Variants in GABRA6 observed in about 807,000 individuals in gnomAD.
GABRA6 encodes gamma-aminobutyric acid type A receptor subunit alpha6, also known as gamma-aminobutyric acid receptor subunit alpha-6.
GABRA6 carries 45 observed loss-of-function variants against 47.3 expected under a neutral mutation model. The observed-to-expected ratio is 0.95, with a 90% CI of 0.75 to 1.22. The LOEUF (loss-of-function observed/expected upper bound fraction) is 1.22, where lower values mean the gene tolerates loss of function less well. Among genes scored for constraint, GABRA6 ranks in the 50% most tolerant of loss-of-function variants. The probability of loss-of-function intolerance (pLI) is 0.00; values close to 1 mark genes in which losing one functional copy is unlikely to be tolerated. For missense variants in GABRA6, 583 were observed against 549.3 expected (o/e 1.06, Z -0.61); for synonymous variants, 219 against 194.7 (o/e 1.12, Z -1.04).
intron 8 of GABRA6, among the ~76,000 whole-genome samples, chr5:161,697,722 T>C (rs1754908812): frequency 6.6e-6 from 1 of 152,242 alleles, no homozygotes; most frequent in Non-Finnish European, 1.5e-5. Context: ...AAAAGATCAG[T>C]AGTTCTGAGC....
intron 7 of GABRA6, among the ~76,000 whole-genome samples, chr5:161,690,792 T>C (rs1244825405): frequency 6.6e-6 from 1 of 152,176 alleles, no homozygotes; most frequent in Non-Finnish European, 1.5e-5. Flanking sequence ...ACATATTTAG[T>C]TCCACTTATA....
Position 161,702,022 on chromosome 5 carries a change from T to C in GABRA6, c.*249T>C. 2 of 507,356 alleles carry C rather than the reference T, an allele frequency of 3.9e-6. No individual in the cohort carries two copies. The highest frequency in any genetic ancestry group is 6.8e-5 in the East Asian group (2 of 29,520). The allele number at this position is 507,356 out of a possible 1,614,324, so 31.4% of individuals were successfully genotyped here. On this transcript the variant is annotated 3_prime_UTR_variant, in exon 9 of 9. Coordinates refer to ENST00000274545, the MANE Select transcript of GABRA6 (RefSeq NM_000811.3). ...AGAGAAAAACTTTATGAGGATGAAA[T>C]GGGTTCAAGATGAATTTGTCAACTT...
At position 161,690,284 on chromosome 5, in the gene GABRA6, A is replaced by G; in HGVS notation, c.757A>G (p.Met253Val). 1 of 1,613,794 alleles carries G rather than the reference A, an allele frequency of 6.2e-7. No individual in the cohort carries two copies. Among genetic ancestry groups the G allele is most frequent in the African/African-American group, 1.3e-5 (1 of 75,036 alleles). Residue 253 changes from methionine (M) to valine (V), a missense_variant, in exon 7 of 9, where the codon ATG becomes GTG. Met to Val is a conservative substitution (Grantham distance 21). Transcript: ENST00000274545. ...GATACAGATATACACTCCTTGCATT[A>G]TGACAGTCATTCTTTCCCAGGTGTC... ...FMIQIYTPCIMTVILSQVSFW... is the reference protein window; with the variant it reads ...FMIQIYTPCIVTVILSQVSFW...
chr5:161,686,854 A>G (rs749158382), intron 2 of GABRA6, 82 bp from the exon 3 acceptor site: 248 of 1,158,950 alleles, frequency 2.1e-4, no homozygotes, highest in Non-Finnish European at 3.0e-4. Context: ...ATGATAAGTA[A>G]GGGGTTTGGT....
chr5:161,697,855 G>T (rs1165366841), intron 8 of GABRA6, among the ~76,000 whole-genome samples: 1 of 152,158 alleles, frequency 6.6e-6, no homozygotes, highest in Non-Finnish European at 1.5e-5. Context: ...ATCTTTGTGA[G>T]CTTCCTGCTT....
Position 161,689,245 on chromosome 5 carries a change from T to A in GABRA6, c.447-9T>A. The A allele has an allele frequency of 6.2e-7, 1 of 1,613,656 alleles. No homozygotes were observed. The highest frequency in any genetic ancestry group is 1.7e-5 in the Admixed American group (1 of 60,020). Reference sequence around the variant, plus strand: ...ACTAACTCAGAACCGTTGATTTCAATGTTTCTAGGCTTACCATCAATGCTG... The same window carrying A: ...ACTAACTCAGAACCGTTGATTTCAAAGTTTCTAGGCTTACCATCAATGCTG... On this transcript the variant is annotated splice_polypyrimidine_tract_variant and intron_variant, in intron 4 of 8. Transcript: ENST00000274545.
chr5:161,693,928 A>C (rs1367915956), intron 8 of GABRA6, among the ~76,000 whole-genome samples: 1 of 152,210 alleles, frequency 6.6e-6, no homozygotes, highest in Non-Finnish European at 1.5e-5. Context: ...GAAATATGCC[A>C]GGGTGCATAC....
chr5:161,691,933 T>C lies in GABRA6; in HGVS notation c.827-8T>C. 6.2e-7 allele frequency: 1 copy of C among 1,612,576 alleles called. No homozygotes were observed. The highest frequency in any genetic ancestry group is 8.5e-7 in the Non-Finnish European group (1 of 1,178,686). On this transcript the variant is annotated splice_polypyrimidine_tract_variant and splice_region_variant and intron_variant, in intron 7 of 8. Coordinates refer to ENST00000274545, the MANE Select transcript of GABRA6 (RefSeq NM_000811.3). ...TAATATTACAATTCCTATTCTTTTT[T>C]ATTTTAGGGATCACCACTGTTTTAA...
intron 8 of GABRA6, among the ~76,000 whole-genome samples, chr5:161,698,869 ATAATT>A (rs1754928712): frequency 6.6e-6 from 1 of 152,170 alleles, no homozygotes; most frequent in Non-Finnish European, 1.5e-5. Context: ...TAATTTCAAT[ATAATT>A]TAATTTTAAT....
intron 8 of GABRA6, 36 bp downstream of exon 8, chr5:161,692,236 G>A (rs760494092): frequency 5.0e-6 from 8 of 1,613,410 alleles, no homozygotes; most frequent in African/African-American, 1.3e-5. Flanking sequence ...ACCTACCGTA[G>A]GAAAAAGCAG....
Position 161,692,033 on chromosome 5 carries a change from A to T in GABRA6, c.919A>T (p.Ile307Leu). 1 of 1,614,166 alleles carries T rather than the reference A, an allele frequency of 6.2e-7. No homozygotes were observed. Among genetic ancestry groups the T allele is most frequent in the Non-Finnish European group, 8.5e-7 (1 of 1,180,024 alleles). The change falls in exon 8 of 9, where the codon ATA becomes TTA. Residue 307 changes from isoleucine to leucine, a missense_variant. Physicochemically the swap from Ile to Leu is conservative, Grantham distance 5. Transcript: ENST00000274545. ...VSYATAMDWF[I>L]AVCFAFVFSA... is the part of the protein sequence containing the mutation. ...ATATGCCACTGCCATGGATTGGTTC[A>T]TAGCTGTTTGCTTTGCATTCGTCTT...
At chr5:161,692,721 A>G (rs1754815113) in intron 8 of GABRA6, among the ~76,000 whole-genome samples, 2 of 152,132 alleles carry the variant, frequency 1.3e-5, no homozygotes, top group South Asian at 2.1e-4. Flanking sequence ...ATATTAAAAC[A>G]TTTTCATATT....
In GABRA6 at chr5:161,689,185, T is replaced by C; in HGVS notation, c.446+16T>C. ...ACACCATGAGGTGAGGTTTCTCCAA[T>C]TCTATTTCCCCTGCCTAAATGATAT... On this transcript the variant is annotated intron_variant, in intron 4 of 8. Transcript: ENST00000274545. 1.2e-6 allele frequency: 2 copies of C among 1,612,810 alleles called. No homozygotes were observed. Among genetic ancestry groups the C allele is most frequent in the Non-Finnish European group, 1.7e-6 (2 of 1,178,786 alleles).
rs767281233 is a variant in GABRA6, at chr5:161,692,149, C to A, written c.1035C>A (p.Pro345=). The part of the protein sequence containing the change: ...AKRKAQFAAP[P]TVTISKATEP... ...GGAAGGCACAGTTTGCAGCCCCACC[C>A]ACAGTGACAATATCAAAAGCTACTG... Residue 345 remains proline (P), a synonymous_variant, in exon 8 of 9, where the codon CCC becomes CCA. Coordinates refer to ENST00000274545, the MANE Select transcript of GABRA6 (RefSeq NM_000811.3). The A allele has an allele frequency of 6.2e-6, 10 of 1,614,214 alleles. No homozygotes were observed. Among genetic ancestry groups the A allele is most frequent in the Non-Finnish European group, 8.5e-6 (10 of 1,180,030 alleles).
At chr5:161,697,799 G>A (rs1754911110) in intron 8 of GABRA6, among the ~76,000 whole-genome samples, 1 of 152,166 alleles carries the variant, frequency 6.6e-6, no homozygotes, top group Non-Finnish European at 1.5e-5. Context: ...TAAGAGCGCG[G>A]TCTGTGGCAT....
Position 161,686,024 on chromosome 5 carries a change from T to C in GABRA6, c.35T>C (p.Leu12Pro). 2 of 1,613,794 alleles carry C rather than the reference T, an allele frequency of 1.2e-6. No individual in the cohort carries two copies. The highest frequency in any genetic ancestry group is 1.7e-6 in the Non-Finnish European group (2 of 1,179,668). The change falls in exon 1 of 9, where the codon CTG (leucine) becomes CCG (proline). Residue 12 changes from leucine (L) to proline (P), a missense_variant. Coordinates refer to ENST00000274545, the MANE Select transcript of GABRA6 (RefSeq NM_000811.3). ...TCTCTGCCCTGGCTGTGCATTATTC[T>C]GTGGTGAGTAAGATCCTTTTTCCTG... ...ASSLPWLCII[L>P]WLENALGKLE...
rs1005723214 is a variant in GABRA6, at chr5:161,689,895, T to C, written c.673+116T>C. 2.8e-5 allele frequency: 32 copies of C among 1,144,306 alleles called. No homozygotes were observed. The South Asian group carries it at 3.8e-4, about 14-fold the overall frequency. 70.9% of individuals were successfully genotyped at this position (1,144,306 alleles called of 1,614,324 possible). On this transcript the variant is annotated intron_variant, in intron 6 of 8. Transcript: ENST00000274545. ...CCATTCTCAGCTAAGCATGCTGTTT[T>C]GCAGTGATGAGTAGCTTTCCTTAAA...
intron 8 of GABRA6, among the ~76,000 whole-genome samples, chr5:161,697,900 A>T (rs956313385): frequency 2.6e-5 from 4 of 152,214 alleles, no homozygotes; most frequent in African/African-American, 9.7e-5. Flanking sequence ...AATGAAGATA[A>T]TATGACATTG....
At chr5:161,686,880 T>C in intron 2 of GABRA6, 56 bp from the exon 3 acceptor site, 1 of 1,457,994 alleles carries the variant, frequency 6.9e-7, no homozygotes, top group Non-Finnish European at 9.6e-7. Flanking sequence ...AGGGCTGAGA[T>C]CAATCCCCTT....
Sources: allele counts gnomAD v4.1 joint callset (sites outside exome capture counted in the v4.1 genomes callset), GRCh38; gene constraint gnomAD v4.1.1; transcripts MANE v1.5; gene names NCBI Gene and HGNC (gene_info 2026-07-23, HGNC 2026-07-21).